GLI3: variants seen among roughly 807,000 people sequenced by gnomAD.
GLI3 encodes transcription activator GLI3.
GLI3 carries 20 observed loss-of-function variants against 100.8 expected under a neutral mutation model. That is an observed-to-expected ratio of 0.20 (90% CI 0.14 to 0.29). GLI3 has a LOEUF of 0.29. GLI3 is among the 10% of genes least tolerant of loss of function. GLI3 has a pLI of 1.00. For missense variants in GLI3, 2,040 were observed against 2,128.5 expected (o/e 0.96, Z 0.82); for synonymous variants, 938 against 860.5 (o/e 1.09, Z -1.58).
intron 3 of GLI3, among the ~76,000 whole-genome samples, chr7:42,077,175 G>A (rs965133776): frequency 9.1e-4 from 139 of 152,230 alleles, no homozygotes; most frequent in African/African-American, 2.9e-3. Context: ...GAGAAGGGCT[G>A]AAGGGAGCCA....
chr7:42,232,904 T>G (rs1024233401), intron 1 of GLI3, among the ~76,000 whole-genome samples: 1 of 152,072 alleles, frequency 6.6e-6, no homozygotes, highest in Non-Finnish European at 1.5e-5. Flanking sequence ...ACTTTCACAT[T>G]TAAAAAAACC....
intron 1 of GLI3, among the ~76,000 whole-genome samples, chr7:42,249,123 T>A (rs1789005109): frequency 6.6e-6 from 1 of 152,136 alleles, no homozygotes. Context: ...TTCTAAGCAA[T>A]CACAGACTCT....
At chr7:42,064,476 A>T (rs758122869) in intron 4 of GLI3, among the ~76,000 whole-genome samples, 1 of 152,178 alleles carries the variant, frequency 6.6e-6, no homozygotes, top group Non-Finnish European at 1.5e-5. Context: ...GTATTATGAA[A>T]ACAGATGATT....
In GLI3 at chr7:41,965,903, G is replaced by A; in HGVS notation, c.3170C>T (p.Ser1057Phe). ...QNYTRPEGGQ[S>F]RNFHSSPCPP... Reference sequence around the variant, plus strand: ...ACAGGGGGACGAGTGGAAGTTTCGGGACTGGCCGCCCTCGGGCCGCGTGTA... The same window carrying A: ...ACAGGGGGACGAGTGGAAGTTTCGGAACTGGCCGCCCTCGGGCCGCGTGTA... Residue 1057 changes from serine (S) to phenylalanine (F), a missense_variant, in exon 15 of 15, where the codon TCC becomes TTC. Around this residue, in one of 5 missense-constraint regions of GLI3, gnomAD observed 1,041 missense variants for 924.0 expected, o/e 1.13. Coordinates refer to ENST00000395925, the MANE Select transcript of GLI3 (RefSeq NM_000168.6). 2 of 1,613,696 alleles carry A rather than the reference G, an allele frequency of 1.2e-6. No individual in the cohort carries two copies. Among genetic ancestry groups the A allele is most frequent in the Non-Finnish European group, 1.7e-6 (2 of 1,179,950 alleles).
At chr7:42,011,458 AAATG>A (rs1788609134) in intron 10 of GLI3, among the ~76,000 whole-genome samples, 1 of 152,266 alleles carries the variant, frequency 6.6e-6, no homozygotes, top group Admixed American at 6.5e-5. Flanking sequence ...ATGAACTTGT[AAATG>A]AATGTTCATA....
intron 2 of GLI3, among the ~76,000 whole-genome samples, chr7:42,187,841 A>G (rs1208830299): frequency 2.6e-5 from 4 of 151,834 alleles, no homozygotes; most frequent in South Asian, 2.1e-4. Context: ...CGTCTCTACT[A>G]AAAACACAAA....
chr7:42,079,296 A>G (rs1784949798), intron 3 of GLI3, among the ~76,000 whole-genome samples: 1 of 152,178 alleles, frequency 6.6e-6, no homozygotes. Flanking sequence ...ACCATTTTCA[A>G]AGGAAATTAT....
intron 3 of GLI3, among the ~76,000 whole-genome samples, chr7:42,089,186 T>C (rs897557312): frequency 6.6e-5 from 10 of 152,182 alleles, no homozygotes; most frequent in African/African-American, 2.4e-4. Context: ...CTAGGGACTA[T>C]AGCCTCAACA....
At chr7:42,097,287 A>G (rs1289341509) in intron 3 of GLI3, among the ~76,000 whole-genome samples, 1 of 152,240 alleles carries the variant, frequency 6.6e-6, no homozygotes, top group East Asian at 1.9e-4. Flanking sequence ...CATTATCCCA[A>G]ACTCAGAATT....
chr7:42,097,141 A>G (rs543935380), intron 3 of GLI3, among the ~76,000 whole-genome samples: 12 of 152,368 alleles, frequency 7.9e-5, no homozygotes, highest in African/African-American at 2.9e-4. Flanking sequence ...ACAGCTTTTA[A>G]AGGGTAAAGC....
At position 42,222,974 on chromosome 7, in the gene GLI3, T is replaced by C. The variant is rs377028960; in HGVS notation, c.124+156A>G. The C allele has an allele frequency of 7.3e-6, 6 of 816,422 alleles. No individual in the cohort carries two copies. The East Asian group carries it at 7.6e-5, about 10-fold the overall frequency. The allele number at this position is 816,422 out of a possible 1,614,324, so 50.6% of individuals were successfully genotyped here. A position where few individuals can be genotyped will look rare whatever the true frequency, so the allele number is the denominator to read the frequency against. ...CCAAAATAGAGATTACTACATTCCA[T>C]GTCCCCCCGCCGTCCCCCCGCCCCT... is the stretch of plus-strand genomic sequence containing the variant. On this transcript the variant is annotated intron_variant, in intron 2 of 14. Transcript: ENST00000395925.
upstream of GLI3, among the ~76,000 whole-genome samples, chr7:42,238,112 C>A (rs1788870085): frequency 6.6e-6 from 1 of 151,322 alleles, no homozygotes; most frequent in Non-Finnish European, 1.5e-5. Flanking sequence ...TACTTGACCC[C>A]GCGCCCTCCC....
intron 2 of GLI3, chr7:42,152,329 T>C: frequency 1.1e-6 from 1 of 874,804 alleles, no homozygotes; most frequent in Non-Finnish European, 1.4e-6. Context: ...AGATGCGGAG[T>C]ATAAGAGAAC....
chr7:42,148,647 TG>T (rs1173581346), intron 2 of GLI3, among the ~76,000 whole-genome samples, 179 bp from the exon 3 acceptor site: 2 of 152,184 alleles, frequency 1.3e-5, no homozygotes, highest in African/African-American at 4.8e-5. Context: ...AAATTGTTTA[TG>T]AATGAGGGTC....
At chr7:42,236,711 G>A (rs1391755651) in intron 1 of GLI3, among the ~76,000 whole-genome samples, 1 of 152,220 alleles carries the variant, frequency 6.6e-6, no homozygotes, top group East Asian at 1.9e-4. Flanking sequence ...TCCCCCCTCC[G>A]GGAGGTGAAA....
At chr7:42,061,659 A>C (rs1321853081) in intron 4 of GLI3, among the ~76,000 whole-genome samples, 2 of 152,172 alleles carry the variant, frequency 1.3e-5, no homozygotes, top group Non-Finnish European at 2.9e-5. Context: ...CTAAGGCTTT[A>C]TGTCCTAAGC....
chr7:42,257,909 C>CTT (rs1789101621), intron 1 of GLI3, among the ~76,000 whole-genome samples: 1 of 152,100 alleles, frequency 6.6e-6, no homozygotes, highest in South Asian at 2.1e-4. Flanking sequence ...GCCACTTGGT[C>CTT]ATGGTGTAGA....
intron 2 of GLI3, 110 bp downstream of exon 2, chr7:42,223,020 C>T (rs1202204703): frequency 3.0e-6 from 4 of 1,327,614 alleles, no homozygotes; most frequent in African/African-American, 1.4e-5. Flanking sequence ...CTTTCTTTAG[C>T]GTCTCCTAGA....
intron 2 of GLI3, among the ~76,000 whole-genome samples, chr7:42,179,874 C>T (rs1055325522): frequency 4.6e-5 from 7 of 152,102 alleles, no homozygotes; most frequent in East Asian, 1.9e-4. Flanking sequence ...TAGCTCATTT[C>T]GCCAATGTCA....
Sources: gnomAD v4.1 joint callset for allele counts (sites outside exome capture counted in the v4.1 genomes callset) on GRCh38, gnomAD v4.1.1 for gene constraint, gnomAD v4.1.1 regional missense constraint, MANE v1.5 for transcripts, NCBI Gene and HGNC (gene_info 2026-07-23, HGNC 2026-07-21) for gene names.